Variants in ZFR2 observed in about 807,000 individuals in gnomAD.
ZFR2 encodes zinc finger RNA binding protein 2, also known as zinc finger RNA-binding protein 2.
ZFR2 carries 104 observed loss-of-function variants against 105.7 expected under a neutral mutation model. The observed-to-expected ratio is 0.98, with a 90% CI of 0.84 to 1.16. The LOEUF (loss-of-function observed/expected upper bound fraction) is 1.16. Among genes scored for constraint, ZFR2 ranks in the 50% most tolerant of loss-of-function variants. ZFR2 has a pLI of 0.00. For missense variants in ZFR2, 1,425 were observed against 1,355.5 expected (o/e 1.05, Z -0.80); for synonymous variants, 634 against 597.7 (o/e 1.06, Z -0.89).
chr19:3,833,805 G>A, intron 2 of ZFR2, 27 bp from the exon 3 acceptor site: 1 of 1,539,384 alleles, frequency 6.5e-7, no homozygotes, highest in Non-Finnish European at 8.8e-7. Flanking sequence ...GCAGGAGAGA[G>A]ACAGAGAACG....
In ZFR2 at chr19:3,806,211, A is replaced by C; in HGVS notation, c.2644-86T>G. ...CACAGAGGGGCTGGTGTCTGTGGCC[A>C]CCAGCAGATGGGCCAGGCCTATCCT... On this transcript the variant is annotated intron_variant, in intron 18 of 18. Coordinates refer to ENST00000262961, the MANE Select transcript of ZFR2 (RefSeq NM_015174.2). 3.7e-6 allele frequency: 5 copies of C among 1,355,268 alleles called. No individual in the cohort carries two copies. The South Asian group carries it at 6.7e-5, about 18-fold the overall frequency. The allele number at this position is 1,355,268 out of a possible 1,614,324, so 84.0% of individuals were successfully genotyped here. A position where few individuals can be genotyped will look rare whatever the true frequency, so the allele number is the denominator to read the frequency against.
In ZFR2 at chr19:3,821,203, C is replaced by T. The variant is rs2037887919; in HGVS notation, c.1631+137G>A. The T allele has an allele frequency of 2.5e-5, 31 of 1,251,172 alleles. 1 individual carries two copies. The South Asian group carries it at 5.0e-4, about 20-fold the overall frequency. The allele number at this position is 1,251,172 out of a possible 1,614,324, so 77.5% of individuals were successfully genotyped here. ...CTCCCACACCAGGACGTGCCCACTG[C>T]CCGGGCACCCGTCTCCCCCCACTGC... is the stretch of plus-strand genomic sequence containing the variant. On this transcript the variant is annotated intron_variant, in intron 10 of 18. Transcript: ENST00000262961.
intron 5 of ZFR2, among the ~76,000 whole-genome samples, chr19:3,828,394 T>A (rs2037975870): frequency 6.6e-6 from 1 of 152,166 alleles, no homozygotes; most frequent in South Asian, 2.1e-4. Flanking sequence ...TCTTCTGGAA[T>A]TCAAGGAGTT....
chr19:3,829,086 CA>C (rs1325807641), intron 5 of ZFR2, among the ~76,000 whole-genome samples: 1 of 151,896 alleles, frequency 6.6e-6, no homozygotes, highest in Non-Finnish European at 1.5e-5. Flanking sequence ...CTCAGCCTCC[CA>C]AGTAGCTGGG....
At chr19:3,822,991 CCT>C (rs911216407) in intron 8 of ZFR2, among the ~76,000 whole-genome samples, 1 of 152,238 alleles carries the variant, frequency 6.6e-6, no homozygotes, top group Admixed American at 6.5e-5. Context: ...CGCAGGGTCC[CCT>C]GTTGGGAATG....
At chr19:3,849,243 G>A (rs555748195) in intron 1 of ZFR2, among the ~76,000 whole-genome samples, 1 of 152,248 alleles carries the variant, frequency 6.6e-6, no homozygotes, top group South Asian at 2.1e-4. Context: ...GGACCCCAAG[G>A]AAGGAGCAGG....
intron 11 of ZFR2, among the ~76,000 whole-genome samples, chr19:3,819,441 G>T (rs73521134): frequency 6.6e-6 from 1 of 152,326 alleles, no homozygotes; most frequent in South Asian, 2.1e-4. Context: ...CAGGAAGCTC[G>T]GGTCTGAGTG....
At chr19:3,810,049 G>A (rs1184838761) in intron 16 of ZFR2, among the ~76,000 whole-genome samples, 1 of 152,242 alleles carries the variant, frequency 6.6e-6, no homozygotes, top group Non-Finnish European at 1.5e-5. Flanking sequence ...TCTGGACACT[G>A]GGCAGTGGGT....
Position 3,820,296 on chromosome 19 carries a change from G to A in ZFR2, c.1632-6C>T. ...GTGGCTCCTCCTCCAGCCGCCTGCAGGACCGAGACGTGACAGAGCATGGTC... is the reference window on the plus strand; with the variant it reads ...GTGGCTCCTCCTCCAGCCGCCTGCAAGACCGAGACGTGACAGAGCATGGTC... On this transcript the variant is annotated splice_polypyrimidine_tract_variant and splice_region_variant and intron_variant, in intron 10 of 18. Transcript: ENST00000262961. The A allele has an allele frequency of 1.3e-6, 2 of 1,541,152 alleles. No homozygotes were observed.
intron 18 of ZFR2, among the ~76,000 whole-genome samples, 196 bp downstream of exon 18, chr19:3,806,976 G>A (rs1319625786): frequency 2.0e-5 from 3 of 152,158 alleles, no homozygotes; most frequent in Non-Finnish European, 2.9e-5. Context: ...GCTCTCAGCT[G>A]CTGGCCCCAC....
rs199737498 is a variant in ZFR2 at position 3,827,636 on chromosome 19, C to T, written c.870G>A (p.Leu290=). 1 of 1,582,222 alleles carries T rather than the reference C, an allele frequency of 6.3e-7. No individual in the cohort carries two copies. Among genetic ancestry groups the T allele is most frequent in the Admixed American group, 1.8e-5 (1 of 55,590 alleles). The change falls in exon 6 of 19, where the codon CTG becomes CTA. Residue 290 remains leucine, a synonymous_variant. Transcript: ENST00000262961. ...CCTTCTTTCTGTGCTTCTGCCCTCC[C>T]AGATGTTCCCGGTAGGTCTGCGGCA... ...CAGPQTYREH[L]GGQKHRKKEA... is the part of the protein sequence containing the mutation.
At chr19:3,808,732 G>C in intron 17 of ZFR2, 140 bp downstream of exon 17, 5 of 658,008 alleles carry the variant, frequency 7.6e-6, no homozygotes, top group Middle Eastern at 5.2e-4. Context: ...CTGGGAGCAT[G>C]TGTGTGTTGT....
At chr19:3,821,249 G>T in intron 10 of ZFR2, 91 bp downstream of exon 10, 1 of 1,392,270 alleles carries the variant, frequency 7.2e-7, no homozygotes, top group Non-Finnish European at 9.4e-7. Flanking sequence ...ACACGGAGGA[G>T]CTCCGTAATC....
intron 1 of ZFR2, among the ~76,000 whole-genome samples, chr19:3,840,537 T>A (rs1045745234): frequency 4.0e-5 from 6 of 150,684 alleles, no homozygotes; most frequent in African/African-American, 1.2e-4. Flanking sequence ...GTGCCTGGCC[T>A]GATTGTTTTA....
At chr19:3,819,022 TG>T (rs1438539700) in intron 12 of ZFR2, 22 bp downstream of exon 12, 1 of 1,607,860 alleles carries the variant, frequency 6.2e-7, no homozygotes. Flanking sequence ...AGCCGGGCCC[TG>T]GGGAAGGGGA....
At chr19:3,817,531 T>G (rs2037837933) in intron 12 of ZFR2, among the ~76,000 whole-genome samples, 1 of 147,038 alleles carries the variant, frequency 6.8e-6, no homozygotes, top group African/African-American at 2.5e-5. Flanking sequence ...TGAACTCCAG[T>G]TTGGGAGACA....
intron 15 of ZFR2, 116 bp downstream of exon 15, chr19:3,811,156 C>T (rs2037759451): frequency 1.4e-5 from 14 of 1,033,146 alleles, no homozygotes; most frequent in South Asian, 1.7e-5. Context: ...GCAGGCGTCC[C>T]GGTCTGCGCT....
chr19:3,835,094 G>A, intron 1 of ZFR2, 111 bp from the exon 2 acceptor site: 1 of 1,277,400 alleles, frequency 7.8e-7, no homozygotes, highest in Non-Finnish European at 1.1e-6. Flanking sequence ...GCCCTGCTTG[G>A]TGGAGACCCT....
chr19:3,811,895 G>A (rs1457652331), intron 14 of ZFR2, among the ~76,000 whole-genome samples: 2 of 152,084 alleles, frequency 1.3e-5, no homozygotes, highest in Non-Finnish European at 2.9e-5. Flanking sequence ...TGAGTAGCTG[G>A]GACTGCAGGC....
Sources: allele counts gnomAD v4.1 joint callset (sites outside exome capture counted in the v4.1 genomes callset), GRCh38; gene constraint gnomAD v4.1.1; transcripts MANE v1.5; gene names NCBI Gene and HGNC (gene_info 2026-07-23, HGNC 2026-07-21).